Variants in NRG1 observed in about 807,000 individuals in gnomAD.
The protein encoded by NRG1 is neuregulin 1.
Under a neutral mutation model 63.8 loss-of-function variants are expected in NRG1, and 18 were observed. The observed-to-expected ratio is 0.28, with a 90% CI of 0.19 to 0.42. The LOEUF is 0.42. Ranked by LOEUF, NRG1 falls within the 10% of genes least tolerant of loss-of-function variation. The pLI, the probability that NRG1 is intolerant of heterozygous loss-of-function variation, is 1.00. For synonymous variants in NRG1, 302 were observed against 301.3 expected, an observed-to-expected ratio of 1.00 and a Z score of -0.02; for missense variants, 762 against 814.7, an observed-to-expected ratio of 0.94 and a Z score of 0.79.
intron 1 of NRG1, among the ~76,000 whole-genome samples, chr8:31,982,131 G>T (rs534621972): frequency 6.6e-6 from 1 of 152,004 alleles, no homozygotes; most frequent in Non-Finnish European, 1.5e-5. Flanking sequence ...GGATCATTTG[G>T]TACCTCATAG....
intron 1 of NRG1, among the ~76,000 whole-genome samples, chr8:32,052,374 C>T (rs546676815): frequency 1.4e-5 from 2 of 146,780 alleles, no homozygotes; most frequent in East Asian, 4.3e-4. Context: ...CTCCTAGGCT[C>T]AAGCGATCCT....
intron 1 of NRG1, among the ~76,000 whole-genome samples, chr8:31,903,538 C>T (rs1832276791): frequency 1.3e-5 from 2 of 152,046 alleles, no homozygotes; most frequent in Admixed American, 6.6e-5. Flanking sequence ...CAGTTCCTGA[C>T]CCACAGAATC....
chr8:32,338,012 A>T (rs1020337190), intron 1 of NRG1, among the ~76,000 whole-genome samples: 1 of 152,160 alleles, frequency 6.6e-6, no homozygotes, highest in Non-Finnish European at 1.5e-5. Context: ...CTCCTAATAG[A>T]CTTGGAATAC....
chr8:32,542,641 T>TGCAG (rs1832686901), intron 1 of NRG1, among the ~76,000 whole-genome samples: 1 of 152,188 alleles, frequency 6.6e-6, no homozygotes, highest in African/African-American at 2.4e-5. Context: ...ATGCAAGCTA[T>TGCAG]GCAGGCATGG....
chr8:32,754,450 G>C (rs1829300878), exon 8 of NRG1: 1 of 1,613,896 alleles, frequency 6.2e-7, no homozygotes. Context: ...GGCATCATGT[G>C]TGTGGTGGCC....
At chr8:32,763,825 C>T (rs201330419) in exon 12 of NRG1, 11 of 1,611,698 alleles carry the variant, frequency 6.8e-6, no homozygotes, top group Non-Finnish European at 9.3e-6. Context: ...AAATCGCCCC[C>T]TTCGGAAATG....
At chr8:32,565,141 C>T (rs946258369) in intron 1 of NRG1, among the ~76,000 whole-genome samples, 1 of 152,132 alleles carries the variant, frequency 6.6e-6, no homozygotes, top group South Asian at 2.1e-4. Context: ...TTCCCATTCC[C>T]CTGTCAGTTT....
chr8:31,836,599 T>A (rs906336078), intron 1 of NRG1, among the ~76,000 whole-genome samples: 9 of 152,120 alleles, frequency 5.9e-5, no homozygotes, highest in African/African-American at 2.2e-4. Flanking sequence ...TATGTGGAGA[T>A]CTTTTGATGT....
At chr8:32,322,352 A>ATT (rs1207677774) in intron 1 of NRG1, among the ~76,000 whole-genome samples, 2 of 131,362 alleles carry the variant, frequency 1.5e-5, no homozygotes, top group African/African-American at 3.1e-5. Context: ...GTGCAACCTT[A>ATT]TTTTATATAT....
chr8:31,663,146 T>C (rs565672184), intron 1 of NRG1, among the ~76,000 whole-genome samples: 18 of 152,212 alleles, frequency 1.2e-4, no homozygotes, highest in African/African-American at 4.3e-4. Flanking sequence ...TCCCTGAGAC[T>C]GGTTTGGTGT....
chr8:32,615,029 A>G (rs1429844937), intron 4 of NRG1, among the ~76,000 whole-genome samples: 1 of 127,736 alleles, frequency 7.8e-6, no homozygotes, highest in Non-Finnish European at 1.6e-5. Flanking sequence ...ACAGAACAAA[A>G]CAAAACAAAA....
chr8:32,367,443 GT>G (rs1179391418), intron 1 of NRG1, among the ~76,000 whole-genome samples: 17 of 151,456 alleles, frequency 1.1e-4, no homozygotes, highest in Non-Finnish European at 2.5e-4. Context: ...CCAATTGTAT[GT>G]ATTCTTTTAA....
intron 1 of NRG1, among the ~76,000 whole-genome samples, chr8:31,774,244 G>T (rs1297449989): frequency 1.3e-5 from 2 of 151,952 alleles, no homozygotes; most frequent in Non-Finnish European, 2.9e-5. Context: ...CCAGATTTTT[G>T]CCTGACTCCC....
At chr8:32,018,135 A>G (rs549442929) in intron 1 of NRG1, among the ~76,000 whole-genome samples, 1 of 152,350 alleles carries the variant, frequency 6.6e-6, no homozygotes, top group African/African-American at 2.4e-5. Flanking sequence ...TTATAATATC[A>G]CAGACACATG....
At chr8:31,712,059 C>T (rs1250555686) in intron 1 of NRG1, among the ~76,000 whole-genome samples, 2 of 152,010 alleles carry the variant, frequency 1.3e-5, no homozygotes, top group Non-Finnish European at 2.9e-5. Context: ...CTGTATCCGT[C>T]ATCTAGTCTC....
chr8:32,551,268 A>G (rs1834049016), intron 1 of NRG1, among the ~76,000 whole-genome samples: 1 of 152,200 alleles, frequency 6.6e-6, no homozygotes, highest in Non-Finnish European at 1.5e-5. Context: ...CCAAATTAGG[A>G]CTTAGGAGGA....
At chr8:32,261,349 G>A (rs1227124003) in intron 1 of NRG1, among the ~76,000 whole-genome samples, 1 of 139,350 alleles carries the variant, frequency 7.2e-6, no homozygotes, top group Non-Finnish European at 1.5e-5. Context: ...CTCTACCTAT[G>A]CTCCTATTAG....
intron 1 of NRG1, among the ~76,000 whole-genome samples, chr8:31,655,628 GA>G (rs768279385): frequency 3.3e-5 from 5 of 152,210 alleles, no homozygotes; most frequent in Non-Finnish European, 7.3e-5. Context: ...GGAACCCAAT[GA>G]AGGGTTTTTA....
chr8:32,196,118 A>AGAGT (rs141020832), intron 1 of NRG1, among the ~76,000 whole-genome samples: 2 of 146,854 alleles, frequency 1.4e-5, no homozygotes, highest in East Asian at 4.0e-4. Context: ...AAAAACAATG[A>AGAGT]GTGTGTGTGT....
Sources: allele counts gnomAD v4.1 joint callset (sites outside exome capture counted in the v4.1 genomes callset), GRCh38; gene constraint gnomAD v4.1.1; transcripts MANE v1.5; gene names NCBI Gene and HGNC (gene_info 2026-07-23, HGNC 2026-07-21).